The following COA7 variants were observed in gnomAD, a reference collection of about 807,000 sequenced individuals.
COA7 encodes the protein Sel1 repeat containing 1.
A neutral mutation model predicts 21.0 loss-of-function variants in COA7; 12 were observed. That is an observed-to-expected ratio of 0.57 (90% confidence interval 0.37 to 0.92). The LOEUF (loss-of-function observed/expected upper bound fraction) is 0.92, where lower values mean the gene tolerates loss of function less well. COA7 is among the 40% of genes least tolerant of loss of function. The pLI is 0.01. For missense variants in COA7, 240 were observed against 286.1 expected, an observed-to-expected ratio of 0.84 and a Z score of 1.16; for synonymous variants, 95 against 107.4, an observed-to-expected ratio of 0.88 and a Z score of 0.72.
intron 1 of COA7, among the ~76,000 whole-genome samples, chr1:52,697,565 C>A (rs969062138): frequency 3.9e-5 from 6 of 152,128 alleles, no homozygotes; most frequent in African/African-American, 1.4e-4. Context: ...ACGGCACTTA[C>A]TACTTTCTTT....
chr1:52,692,855 A>T lies in COA7; in HGVS notation c.119T>A (p.Leu40Gln). The T allele has an allele frequency of 6.2e-7, 1 of 1,614,180 alleles. No homozygotes were observed. The highest frequency in any genetic ancestry group is 8.5e-7 in the Non-Finnish European group (1 of 1,180,036). Residue 40 changes from leucine (L) to glutamine (Q), a missense_variant, in exon 2 of 3, where the codon CTG becomes CAG. Physicochemically the swap from Leu to Gln is moderately radical, Grantham distance 113 (BLOSUM62 -2). Coordinates refer to ENST00000371538, the MANE Select transcript of COA7 (RefSeq NM_023077.3). The part of the protein sequence containing the change: ...HEKDPDGCYR[L>Q]VDYLEGIRKN... ...CCGGATCCCTTCCAAATAGTCCACCAGCCGATAGCAACCTGCGAGAAGAGG... is the reference window on the plus strand; with the variant it reads ...CCGGATCCCTTCCAAATAGTCCACCTGCCGATAGCAACCTGCGAGAAGAGG...
intron 1 of COA7, among the ~76,000 whole-genome samples, chr1:52,696,035 T>A (rs1284536006): frequency 1.3e-5 from 2 of 151,974 alleles, no homozygotes; most frequent in Non-Finnish European, 2.9e-5. Flanking sequence ...TCTCCCACCC[T>A]CTCCTCCATT....
At chr1:52,691,230 C>G (rs571761993) in intron 2 of COA7, among the ~76,000 whole-genome samples, 2 of 152,084 alleles carry the variant, frequency 1.3e-5, no homozygotes, top group Admixed American at 6.6e-5. Flanking sequence ...AGCCTGACAA[C>G]ATAGTGAGAT....
intron 2 of COA7, among the ~76,000 whole-genome samples, chr1:52,689,450 G>A (rs1644028549): frequency 6.6e-6 from 1 of 151,562 alleles, no homozygotes; most frequent in East Asian, 1.9e-4. Context: ...CACTTCACCT[G>A]GCCTATGAGA....
intron 2 of COA7, among the ~76,000 whole-genome samples, chr1:52,691,470 GTTTT>G (rs541566680): frequency 8.2e-6 from 1 of 122,068 alleles, no homozygotes. Context: ...GTGTGTGTGT[GTTTT>G]TTTTTTTTTT....
intron 2 of COA7, among the ~76,000 whole-genome samples, chr1:52,689,367 G>C (rs1264785753): frequency 6.6e-6 from 1 of 150,642 alleles, no homozygotes; most frequent in African/African-American, 2.4e-5. Context: ...CGTTGGTCAG[G>C]CTAGTCTTGA....
At chr1:52,688,927 C>T (rs1644025351) in intron 2 of COA7, among the ~76,000 whole-genome samples, 1 of 151,808 alleles carries the variant, frequency 6.6e-6, no homozygotes, top group Non-Finnish European at 1.5e-5. Flanking sequence ...TACAGTGGGC[C>T]CTCCATATCC....
chr1:52,689,761 T>TA (rs1311885862), intron 2 of COA7, among the ~76,000 whole-genome samples: 1 of 150,368 alleles, frequency 6.7e-6, no homozygotes, highest in Admixed American at 6.6e-5. Flanking sequence ...CGCGGTGGCT[T>TA]ACGCCTGTAA....
At chr1:52,696,096 C>A (rs903408059) in intron 1 of COA7, among the ~76,000 whole-genome samples, 17 of 152,286 alleles carry the variant, frequency 1.1e-4, no homozygotes, top group Non-Finnish European at 2.5e-4. Context: ...TCTTCCCTAA[C>A]CACCCTGTTC....
intron 2 of COA7, among the ~76,000 whole-genome samples, chr1:52,691,884 A>G (rs545497615): frequency 2.0e-4 from 31 of 152,206 alleles, no homozygotes; most frequent in Non-Finnish European, 3.8e-4. Context: ...TATGTGATAG[A>G]AATGAAAAGT....
chr1:52,690,667 C>CAGTT (rs1644038952), intron 2 of COA7, among the ~76,000 whole-genome samples: 4 of 149,500 alleles, frequency 2.7e-5, no homozygotes, highest in Non-Finnish European at 5.9e-5. Context: ...CATTTATTTA[C>CAGTT]ATTTATTTAT....
rs985662646 is a variant in COA7 at position 52,692,664 on chromosome 1, G to A, written c.247+63C>T. 3.2e-6 allele frequency: 5 copies of A among 1,583,678 alleles called. No individual in the cohort carries two copies. The Admixed American group carries it at 5.2e-5, about 16-fold the overall frequency. On this transcript the variant is annotated intron_variant, in intron 2 of 2. Coordinates refer to ENST00000371538, the MANE Select transcript of COA7 (RefSeq NM_023077.3). The stretch of plus-strand genomic sequence containing the variant: ...ACCCTTCTGCAAGAGCTTATCATGG[G>A]GCTCAGGTGTGAGGCCAGCACTGCT...
rs577635110 is a variant in COA7, at chr1:52,694,502, C to A, written c.107-1635G>T. Among the ~76,000 whole-genome samples, 9 of 147,704 alleles carry A rather than the reference C, an allele frequency of 6.1e-5. No individual in the cohort carries two copies. In the South Asian group the frequency reaches 1.9e-3, roughly 31 times the overall value. ...AAAAAGCCCAGACTTCACAACCAGGCAATATATCCATGTAACAAAACTGCA... is the reference window on the plus strand; with the variant it reads ...AAAAAGCCCAGACTTCACAACCAGGAAATATATCCATGTAACAAAACTGCA... On this transcript the variant is annotated intron_variant, in intron 1 of 2. Transcript: ENST00000371538.
intron 1 of COA7, among the ~76,000 whole-genome samples, chr1:52,695,111 T>C (rs1190030831): frequency 6.6e-6 from 1 of 151,920 alleles, no homozygotes; most frequent in Admixed American, 6.6e-5. Flanking sequence ...CTGGCTAACA[T>C]GGTGAAATCC....
chr1:52,691,724 T>C (rs1417443942), intron 2 of COA7, among the ~76,000 whole-genome samples: 1 of 152,144 alleles, frequency 6.6e-6, no homozygotes, highest in Non-Finnish European at 1.5e-5. Context: ...TCCACCCGCC[T>C]TGGCCTCCCA....
intron 1 of COA7, among the ~76,000 whole-genome samples, chr1:52,696,437 G>T (rs923636303): frequency 6.6e-6 from 1 of 151,660 alleles, no homozygotes. Context: ...CTCCCAAAGT[G>T]CTGGGATTAC....
intron 1 of COA7, 29 bp downstream of exon 1, chr1:52,698,192 C>G: frequency 6.6e-7 from 1 of 1,509,472 alleles, no homozygotes; most frequent in East Asian, 2.3e-5. Context: ...CTCCCCGACG[C>G]GTCGCCGGGC....
intron 1 of COA7, among the ~76,000 whole-genome samples, 170 bp from the exon 2 acceptor site, chr1:52,693,037 T>G (rs1644059358): frequency 6.6e-6 from 1 of 152,066 alleles, no homozygotes; most frequent in Admixed American, 6.5e-5. Flanking sequence ...GTAGGTGGTG[T>G]TTAGCCATTC....
At chr1:52,694,317 C>T (rs946079662) in intron 1 of COA7, among the ~76,000 whole-genome samples, 14 of 152,004 alleles carry the variant, frequency 9.2e-5, no homozygotes, top group Non-Finnish European at 1.3e-4. Context: ...AAATATTAGC[C>T]GGGCATGGTG....
Sources: allele counts gnomAD v4.1 joint callset (sites outside exome capture counted in the v4.1 genomes callset), GRCh38; gene constraint gnomAD v4.1.1; transcripts MANE v1.5; gene names NCBI Gene and HGNC (gene_info 2026-07-23, HGNC 2026-07-21).